The following STK3 variants were observed in gnomAD, a reference collection of about 807,000 sequenced individuals.
STK3 encodes the protein serine/threonine kinase 3.
A neutral mutation model predicts 58.0 loss-of-function variants in STK3; 41 were observed. The ratio of observed to expected loss-of-function variants is 0.71; its 90% confidence interval spans 0.55 to 0.92. STK3 has a LOEUF of 0.92. Ranked by LOEUF, STK3 falls within the 40% of genes least tolerant of loss-of-function variation. STK3 has a pLI of 0.00. For missense variants in STK3, 479 were observed against 602.7 expected (o/e 0.79, Z 2.15); for synonymous variants, 170 against 191.0 (o/e 0.89, Z 0.91).
downstream of STK3, among the ~76,000 whole-genome samples, chr8:98,400,671 T>A (rs555265537): frequency 6.6e-6 from 1 of 152,346 alleles, no homozygotes; most frequent in Admixed American, 6.5e-5. Flanking sequence ...TCACAGCCAA[T>A]TCCAGTAAAT....
intron 3 of STK3, among the ~76,000 whole-genome samples, chr8:98,849,052 C>T (rs1037052081): frequency 2.0e-5 from 3 of 151,912 alleles, no homozygotes; most frequent in African/African-American, 7.3e-5. Context: ...CGGTGAAACC[C>T]CGTCTCTACT....
rs910548275 is a variant in STK3 at position 98,428,673 on chromosome 8, C to G, written n.483+5454G>C. 2 of 1,614,222 alleles carry G rather than the reference C, an allele frequency of 1.2e-6. No individual in the cohort carries two copies. The highest frequency in any genetic ancestry group is 3.3e-5 in the Admixed American group (2 of 60,022). ...GGACCCTAGGTTCGAAATCGTGGAGCACTTTGGCATTGCCTGGTTCACATT... is the reference window on the plus strand; with the variant it reads ...GGACCCTAGGTTCGAAATCGTGGAGGACTTTGGCATTGCCTGGTTCACATT... On this transcript the variant is annotated intron_variant and non_coding_transcript_variant, in intron 3 of 3. Transcript: ENST00000517832. The surrounding 1 kb of genome is among the most constrained non-coding windows in gnomAD (Gnocchi z 6.7).
At chr8:98,932,914 G>A (rs1235341570) in intron 1 of STK3, among the ~76,000 whole-genome samples, 1 of 152,186 alleles carries the variant, frequency 6.6e-6, no homozygotes, top group African/African-American at 2.4e-5. Flanking sequence ...ATAAGAGAAA[G>A]AGCCTTTTGC....
At chr8:98,578,877 G>T (rs1486644802) in intron 8 of STK3, among the ~76,000 whole-genome samples, 1 of 152,148 alleles carries the variant, frequency 6.6e-6, no homozygotes, top group East Asian at 1.9e-4. Flanking sequence ...CAAACCAGGT[G>T]CAGTGGCTCA....
At chr8:98,931,781 G>A (rs1182274943) in intron 1 of STK3, among the ~76,000 whole-genome samples, 1 of 152,158 alleles carries the variant, frequency 6.6e-6, no homozygotes, top group Non-Finnish European at 1.5e-5. Flanking sequence ...TCCTGGATAT[G>A]TCAGTGCAAC....
At chr8:98,837,895 C>T (rs551665497) in intron 3 of STK3, among the ~76,000 whole-genome samples, 1 of 151,874 alleles carries the variant, frequency 6.6e-6, no homozygotes, top group South Asian at 2.1e-4. Context: ...TTGCACCACT[C>T]CACTCCAGCC....
intron 8 of STK3, among the ~76,000 whole-genome samples, chr8:98,577,895 G>A (rs1267458079): frequency 6.6e-6 from 1 of 152,022 alleles, no homozygotes; most frequent in Non-Finnish European, 1.5e-5. Context: ...AGTGTTTCAA[G>A]TACCGGGTAT....
Position 98,387,873 on chromosome 8 carries a change from CT to C in STK3, n.56+318del, listed in dbSNP as rs548274056. 9.1e-3 allele frequency among the ~76,000 whole-genome samples: 1,223 copies of C among 134,956 alleles called. 7 individuals are homozygous for C. Among genetic ancestry groups the C allele is most frequent in the South Asian group, 0.023 (98 of 4,296 alleles). 88.5% of individuals were successfully genotyped at this position (134,956 alleles called of 152,430 possible). A position where few individuals can be genotyped will look rare whatever the true frequency, so the allele number is the denominator to read the frequency against. On this transcript the variant is annotated intron_variant and non_coding_transcript_variant, in intron 1 of 2. Coordinates refer to the STK3 transcript ENST00000518704. ...AAACCAGAGCTCTTTGTAAAATGCC[CT>C]TTTTTTTTTTTTTTTGTCAGATACG...
At chr8:98,551,122 C>T (rs1811132895) in intron 8 of STK3, among the ~76,000 whole-genome samples, 2 of 152,116 alleles carry the variant, frequency 1.3e-5, no homozygotes, top group African/African-American at 4.8e-5. Flanking sequence ...GTCTTATTCT[C>T]TATCCAGAAG....
chr8:98,351,548 G>A, the STK3 span, among the ~76,000 whole-genome samples: 1 of 152,216 alleles, frequency 6.6e-6, no homozygotes, highest in South Asian at 2.1e-4. Flanking sequence ...TGGAAGAAAG[G>A]ATATATAGAT....
At chr8:98,892,576 G>A (rs986826191) in intron 1 of STK3, among the ~76,000 whole-genome samples, 1 of 152,038 alleles carries the variant, frequency 6.6e-6, no homozygotes, top group African/African-American at 2.4e-5. Flanking sequence ...CCTTACTTTT[G>A]CTTCCAGGCC....
chr8:98,589,807 AT>A, intron 7 of STK3, among the ~76,000 whole-genome samples: 1 of 152,240 alleles, frequency 6.6e-6, no homozygotes, highest in Non-Finnish European at 1.5e-5. Flanking sequence ...GTGGTGCACC[AT>A]TTTTTAAGCC....
intron 6 of STK3, among the ~76,000 whole-genome samples, chr8:98,626,439 A>T (rs1416277745): frequency 3.9e-5 from 6 of 152,222 alleles, no homozygotes; most frequent in Non-Finnish European, 5.9e-5. Context: ...TCATTCATTT[A>T]TGTGCTGTCT....
chr8:98,771,478 T>C lies in STK3; in HGVS notation c.107+3261A>G, dbSNP rs187128202. Among the ~76,000 whole-genome samples the C allele has an allele frequency of 1.7e-4, 26 of 152,370 alleles. No homozygotes were observed. The East Asian group carries it at 5.0e-3, about 29-fold the overall frequency. Reference sequence around the variant, plus strand: ...ATCTTCCTTCTTATTCCAAATCTTCTGTATTTTCTATTTTCTTTAGTCAAC... The same window carrying C: ...ATCTTCCTTCTTATTCCAAATCTTCCGTATTTTCTATTTTCTTTAGTCAAC... On this transcript the variant is annotated intron_variant, in intron 2 of 10. Coordinates refer to ENST00000419617, the MANE Select transcript of STK3 (RefSeq NM_006281.4).
intron 1 of STK3, among the ~76,000 whole-genome samples, chr8:98,810,557 C>T (rs1228855306): frequency 6.8e-6 from 1 of 146,054 alleles, no homozygotes; most frequent in Non-Finnish European, 1.5e-5. Flanking sequence ...GCTTATTGGC[C>T]AATGTATACA....
rs1274007020 is a variant in STK3 at position 98,590,042 on chromosome 8, C to G, written c.822+5990G>C. ...GAACCGGGTACCTCAGATGGAAATG[C>G]AGAAATCACCTGTCTTCTGCGGCGC... On this transcript the variant is annotated intron_variant, in intron 7 of 10. Transcript: ENST00000419617. Among the ~76,000 whole-genome samples, 14 of 152,222 alleles carry G rather than the reference C, an allele frequency of 9.2e-5. No homozygotes were observed. The South Asian group carries it at 2.7e-3, about 29-fold the overall frequency.
At chr8:98,919,169 C>T (rs944128124) in intron 1 of STK3, among the ~76,000 whole-genome samples, 7 of 152,134 alleles carry the variant, frequency 4.6e-5, no homozygotes, top group African/African-American at 1.7e-4. Context: ...AGTTGAGGGA[C>T]CCCTCATATG....
intron 6 of STK3, among the ~76,000 whole-genome samples, chr8:98,653,579 C>A (rs1367345256): frequency 6.6e-6 from 1 of 151,914 alleles, no homozygotes; most frequent in Admixed American, 6.6e-5. Context: ...AATTGATAGA[C>A]CACTAGCAAG....
the STK3 span, among the ~76,000 whole-genome samples, chr8:98,354,290 G>A: frequency 2.0e-5 from 3 of 152,184 alleles, no homozygotes; most frequent in African/African-American, 7.2e-5. Context: ...AGGGCTTCTT[G>A]GGCAGATTTT....
Sources: allele counts gnomAD v4.1 joint callset (sites outside exome capture counted in the v4.1 genomes callset), GRCh38; gene constraint gnomAD v4.1.1; non-coding constraint Gnocchi (gnomAD v3.1); transcripts MANE v1.5; gene names NCBI Gene and HGNC (gene_info 2026-07-23, HGNC 2026-07-21).